Variants in VWC2L observed in about 807,000 individuals in gnomAD.
The protein encoded by VWC2L is von Willebrand factor C domain containing 2 like, also known as von Willebrand factor C domain-containing protein 2-like.
Under a neutral mutation model 21.6 loss-of-function variants are expected in VWC2L, and 10 were observed. The observed-to-expected ratio is 0.46, with a 90% CI of 0.29 to 0.78. The LOEUF (loss-of-function observed/expected upper bound fraction) is 0.78. Among genes scored for constraint, VWC2L ranks in the 30% least tolerant of loss-of-function variants. The pLI, the probability that VWC2L is intolerant of heterozygous loss-of-function variation, is 0.10. For missense variants in VWC2L, 209 were observed against 277.1 expected (o/e 0.75, Z 1.74); for synonymous variants, 96 against 94.3 (o/e 1.02, Z -0.10).
At chr2:214,529,614 G>C (rs1467535168) in intron 3 of VWC2L, among the ~76,000 whole-genome samples, 1 of 152,132 alleles carries the variant, frequency 6.6e-6, no homozygotes, top group Non-Finnish European at 1.5e-5. Flanking sequence ...AAAAGCACTT[G>C]TATCAAAGCC....
chr2:214,506,247 G>A (rs1688966292), intron 3 of VWC2L, among the ~76,000 whole-genome samples: 2 of 152,084 alleles, frequency 1.3e-5, no homozygotes, highest in Non-Finnish European at 2.9e-5. Flanking sequence ...GTATATAGAT[G>A]AAGGATTTAT....
At chr2:214,544,318 G>A (rs1689672410) in intron 3 of VWC2L, among the ~76,000 whole-genome samples, 2 of 152,146 alleles carry the variant, frequency 1.3e-5, no homozygotes, top group African/African-American at 4.8e-5. Flanking sequence ...CATTTGTTTA[G>A]CTAGAACCAA....
chr2:214,455,671 A>G (rs1703046424), intron 3 of VWC2L, among the ~76,000 whole-genome samples: 1 of 152,178 alleles, frequency 6.6e-6, no homozygotes. Flanking sequence ...ACCAACCAAC[A>G]TAAGATAATC....
In VWC2L at chr2:214,565,892, A is replaced by G. The variant is rs1013215113; in HGVS notation, c.521-9780A>G. Among the ~76,000 whole-genome samples the G allele has an allele frequency of 1.4e-4, 22 of 152,150 alleles. 1 individual carries two copies. The highest frequency in any genetic ancestry group is 5.1e-4 in the African/African-American group (21 of 41,444). On this transcript the variant is annotated intron_variant, in intron 3 of 3. Coordinates refer to ENST00000312504, the MANE Select transcript of VWC2L (RefSeq NM_001080500.4). ...CTTTTTGACTGCTGACATTGGGTTC[A>G]TGCAGCCAGTAAATGGTAGGAGTAG...
intron 3 of VWC2L, among the ~76,000 whole-genome samples, chr2:214,495,439 G>A (rs556108860): frequency 1.3e-5 from 2 of 152,192 alleles, no homozygotes; most frequent in Admixed American, 6.5e-5. Flanking sequence ...TAACTTCAAT[G>A]ATTTCGATTT....
At chr2:214,429,860 G>C (rs1202711433) in intron 2 of VWC2L, among the ~76,000 whole-genome samples, 1 of 151,960 alleles carries the variant, frequency 6.6e-6, no homozygotes, top group South Asian at 2.1e-4. Context: ...GTCTTGCTCT[G>C]TTGTCCAGGC....
intron 3 of VWC2L, among the ~76,000 whole-genome samples, chr2:214,532,658 T>C (rs1451493421): frequency 6.6e-6 from 1 of 152,174 alleles, no homozygotes; most frequent in South Asian, 2.1e-4. Context: ...TTTTTGTGTA[T>C]GGTTGTTGTG....
intron 3 of VWC2L, among the ~76,000 whole-genome samples, chr2:214,541,127 T>A (rs1689619831): frequency 6.6e-6 from 1 of 152,154 alleles, no homozygotes; most frequent in South Asian, 2.1e-4. Context: ...CACAAAATGG[T>A]AGGATGCTGT....
At chr2:214,473,833 A>T (rs1157991545) in intron 3 of VWC2L, 1 of 152,086 alleles carries the variant, frequency 6.6e-6, no homozygotes, top group Non-Finnish European at 1.5e-5. Context: ...TTTATAGGGG[A>T]ACATATTGCT....
chr2:214,497,860 G>T (rs1688833474), intron 3 of VWC2L, among the ~76,000 whole-genome samples: 1 of 152,222 alleles, frequency 6.6e-6, no homozygotes, highest in Non-Finnish European at 1.5e-5. Context: ...AACAATGATA[G>T]TAAGTTCATA....
At chr2:214,465,978 C>T (rs1703210733) in intron 3 of VWC2L, among the ~76,000 whole-genome samples, 1 of 152,184 alleles carries the variant, frequency 6.6e-6, no homozygotes, top group South Asian at 2.1e-4. Context: ...GATTCTTTCT[C>T]TCTGCAATGA....
chr2:214,529,655 G>A (rs1017154543), intron 3 of VWC2L, among the ~76,000 whole-genome samples: 3 of 152,134 alleles, frequency 2.0e-5, no homozygotes, highest in African/African-American at 7.2e-5. Context: ...TTCCATTGCA[G>A]CTTTATATCT....
chr2:214,421,184 G>A (rs1169165052), intron 2 of VWC2L, among the ~76,000 whole-genome samples: 2 of 152,134 alleles, frequency 1.3e-5, no homozygotes, highest in African/African-American at 4.8e-5. Flanking sequence ...ACTCACAGAA[G>A]TACATGAAAT....
At chr2:214,418,628 C>T (rs1301062511) in intron 2 of VWC2L, among the ~76,000 whole-genome samples, 4 of 152,160 alleles carry the variant, frequency 2.6e-5, no homozygotes, top group Non-Finnish European at 5.9e-5. Context: ...TTCCCAACAC[C>T]GTGTGAGCTA....
chr2:214,494,523 A>T (rs920684363), intron 3 of VWC2L, among the ~76,000 whole-genome samples: 1 of 152,134 alleles, frequency 6.6e-6, no homozygotes, highest in East Asian at 1.9e-4. Flanking sequence ...TTCCTCTTCC[A>T]AGTCAGCCTT....
intron 3 of VWC2L, among the ~76,000 whole-genome samples, chr2:214,460,293 T>C (rs964928396): frequency 6.6e-6 from 1 of 152,228 alleles, no homozygotes; most frequent in African/African-American, 2.4e-5. Context: ...TGTATCTGGA[T>C]GTGTAAACCT....
At chr2:214,478,160 G>C (rs1331660409) in intron 3 of VWC2L, among the ~76,000 whole-genome samples, 1 of 151,982 alleles carries the variant, frequency 6.6e-6, no homozygotes, top group Non-Finnish European at 1.5e-5. Context: ...GAGAAGGTGT[G>C]GTCTTATTCC....
At position 214,558,258 on chromosome 2, in the gene VWC2L, G is replaced by A. The variant is rs569819078; in HGVS notation, c.521-17414G>A. Among the ~76,000 whole-genome samples, 84 of 151,720 alleles carry A rather than the reference G, an allele frequency of 5.5e-4. No individual in the cohort carries two copies. In the South Asian group the frequency reaches 0.013, roughly 24 times the overall value. On this transcript the variant is annotated intron_variant, in intron 3 of 3. Coordinates refer to ENST00000312504, the MANE Select transcript of VWC2L (RefSeq NM_001080500.4). ...CTGTCTTCCCTTAAATGACAATGTC[G>A]TCCTAGGCCCTCTTTCTTCTTGCAG...
At position 214,435,705 on chromosome 2, in the gene VWC2L, A is replaced by G. The variant is rs186243497; in HGVS notation, c.391-924A>G. 3.1e-3 allele frequency among the ~76,000 whole-genome samples: 470 copies of G among 152,266 alleles called. 2 individuals are homozygous for G. The highest frequency in any genetic ancestry group is 0.011 in the African/African-American group (446 of 41,562). On this transcript the variant is annotated intron_variant, in intron 2 of 3. Transcript: ENST00000312504. ...ATGGCTTGATTTGAGAAATGTGGAC[A>G]TTGTATGACTTCTGACACCACCAAA...
Sources: gnomAD v4.1 joint callset for allele counts (sites outside exome capture counted in the v4.1 genomes callset) on GRCh38, gnomAD v4.1.1 for gene constraint, MANE v1.5 for transcripts, NCBI Gene and HGNC (gene_info 2026-07-23, HGNC 2026-07-21) for gene names.